The following ARB2A variants were observed in gnomAD, a reference collection of about 807,000 sequenced individuals.
ARB2A encodes the protein cotranscriptional regulator ARB2A.
the ARB2A span, among the ~76,000 whole-genome samples, chr5:93,766,017 C>T: frequency 6.4e-4 from 97 of 152,166 alleles, no homozygotes; most frequent in Admixed American, 9.2e-4. Flanking sequence ...CCATTCCTTA[C>T]ACCTTATACA....
the ARB2A span, among the ~76,000 whole-genome samples, chr5:93,889,489 G>T: frequency 6.6e-6 from 1 of 151,796 alleles, no homozygotes; most frequent in South Asian, 2.1e-4. Flanking sequence ...TATGAGTTAT[G>T]GTTTCTTTGT....
the ARB2A span, among the ~76,000 whole-genome samples, chr5:93,988,510 C>A: frequency 6.6e-6 from 1 of 152,104 alleles, no homozygotes; most frequent in African/African-American, 2.4e-5. Context: ...CCTTGCCTGG[C>A]CCCCAATCTA....
At chr5:93,871,421 A>G in the ARB2A span, among the ~76,000 whole-genome samples, 1 of 152,218 alleles carries the variant, frequency 6.6e-6, no homozygotes, top group African/African-American at 2.4e-5. Context: ...TCCATACTGC[A>G]ACTAAACTTT....
chr5:94,019,192 T>TA, the ARB2A span, among the ~76,000 whole-genome samples: 1 of 152,118 alleles, frequency 6.6e-6, no homozygotes, highest in African/African-American at 2.4e-5. Flanking sequence ...ATGTAAGACC[T>TA]AAAACCATAA....
the ARB2A span, among the ~76,000 whole-genome samples, chr5:94,029,161 T>G: frequency 6.6e-6 from 1 of 152,090 alleles, no homozygotes; most frequent in Non-Finnish European, 1.5e-5. Flanking sequence ...CCAGCTAATT[T>G]TTGTATTTTT....
the ARB2A span, among the ~76,000 whole-genome samples, chr5:94,085,329 T>C: frequency 6.6e-6 from 1 of 152,196 alleles, no homozygotes; most frequent in Non-Finnish European, 1.5e-5. Context: ...GATCAGAAAT[T>C]TAGGAGCAGC....
At chr5:93,749,034 G>C in the ARB2A span, among the ~76,000 whole-genome samples, 1 of 151,436 alleles carries the variant, frequency 6.6e-6, no homozygotes. Flanking sequence ...CATTTAACAT[G>C]AGAGTTTTTT....
chr5:93,832,702 G>T, the ARB2A span, among the ~76,000 whole-genome samples: 3 of 152,106 alleles, frequency 2.0e-5, no homozygotes, highest in Non-Finnish European at 4.4e-5. Flanking sequence ...ACTACCATGG[G>T]GTTAGCTGAG....
At chr5:94,035,100 T>C in the ARB2A span, among the ~76,000 whole-genome samples, 191 of 152,114 alleles carry the variant, frequency 1.3e-3, no homozygotes, top group Non-Finnish European at 2.1e-3. Flanking sequence ...CTAGGGCTCG[T>C]CTTTTATTTT....
At chr5:93,959,016 C>A in the ARB2A span, 1 of 1,267,316 alleles carries the variant, frequency 7.9e-7, no homozygotes, top group Non-Finnish European at 1.1e-6. Flanking sequence ...TCTGATCAGG[C>A]ATACACATAA....
At chr5:93,721,706 G>C in the ARB2A span, among the ~76,000 whole-genome samples, 1 of 152,116 alleles carries the variant, frequency 6.6e-6, no homozygotes, top group Non-Finnish European at 1.5e-5. Context: ...TCACAGGAAG[G>C]AGCCTTAGAC....
At chr5:93,732,975 A>G in the ARB2A span, among the ~76,000 whole-genome samples, 1 of 152,074 alleles carries the variant, frequency 6.6e-6, no homozygotes, top group Admixed American at 6.6e-5. Context: ...ATAAAGTTTA[A>G]TAAGTTGTTT....
chr5:93,658,413 T>TA, the ARB2A span, among the ~76,000 whole-genome samples: 492 of 152,208 alleles, frequency 3.2e-3, 2 homozygotes, highest in Non-Finnish European at 5.7e-3. Context: ...ATCATTGATA[T>TA]AAAAAATGGG....
the ARB2A span, among the ~76,000 whole-genome samples, chr5:94,038,495 A>G: frequency 6.6e-6 from 1 of 152,138 alleles, no homozygotes; most frequent in Non-Finnish European, 1.5e-5. Context: ...ATAAAAATAT[A>G]TACATATTAG....
chr5:93,795,681 T>C, the ARB2A span, among the ~76,000 whole-genome samples: 2 of 152,160 alleles, frequency 1.3e-5, no homozygotes, highest in Non-Finnish European at 2.9e-5. Context: ...GATCACATCA[T>C]GATTTGACTC....
At chr5:93,759,123 T>C in the ARB2A span, among the ~76,000 whole-genome samples, 3 of 152,118 alleles carry the variant, frequency 2.0e-5, no homozygotes, top group African/African-American at 4.8e-5. Flanking sequence ...TGAACACCTT[T>C]ATGCACATAA....
At chr5:94,087,093 G>A in the ARB2A span, among the ~76,000 whole-genome samples, 1 of 151,804 alleles carries the variant, frequency 6.6e-6, no homozygotes, top group Non-Finnish European at 1.5e-5. Flanking sequence ...GGTAGGCCTG[G>A]GCTAATACGT....
At chr5:93,754,025 T>C in the ARB2A span, among the ~76,000 whole-genome samples, 73 of 152,288 alleles carry the variant, frequency 4.8e-4, no homozygotes, top group South Asian at 7.7e-3. Flanking sequence ...CCGCTGGATA[T>C]AAGTAACCTT....
the ARB2A span, chr5:93,866,276 C>T: frequency 1.0e-6 from 1 of 982,910 alleles, no homozygotes; most frequent in Non-Finnish European, 1.2e-6. Context: ...GTTAATGTCA[C>T]AATTCAGATA....
Sources: gnomAD v4.1 joint callset for allele counts (sites outside exome capture counted in the v4.1 genomes callset) on GRCh38, gnomAD v4.1.1 for gene constraint, MANE v1.5 for transcripts, NCBI Gene and HGNC (gene_info 2026-07-23, HGNC 2026-07-21) for gene names.